CLCN3: variants seen among roughly 807,000 people sequenced by gnomAD.
The protein encoded by CLCN3 is Cl-/H+ antiporter 3.
In CLCN3, 16 loss-of-function variants were observed where a neutral mutation model predicts 83.4. The observed-to-expected ratio is 0.19, with a 90% CI of 0.13 to 0.29. The LOEUF (loss-of-function observed/expected upper bound fraction) is 0.29, where lower values mean the gene tolerates loss of function less well. Among genes scored for constraint, CLCN3 ranks in the 10% least tolerant of loss-of-function variants. The probability of loss-of-function intolerance (pLI) is 1.00; values close to 1 mark genes in which losing one functional copy is unlikely to be tolerated. For synonymous variants in CLCN3, 322 were observed against 346.2 expected (o/e 0.93, Z 0.78); for missense variants, 544 against 1,006.0 (o/e 0.54, Z 6.21).
intron 1 of CLCN3, among the ~76,000 whole-genome samples, chr4:169,627,946 T>A (rs1773275422): frequency 6.6e-6 from 1 of 152,164 alleles, no homozygotes; most frequent in South Asian, 2.1e-4. Flanking sequence ...TGGGCATAGA[T>A]AAAGACACAG....
intron 2 of CLCN3, among the ~76,000 whole-genome samples, chr4:169,640,329 C>A (rs1730374350): frequency 6.6e-6 from 1 of 152,172 alleles, no homozygotes; most frequent in Non-Finnish European, 1.5e-5. Flanking sequence ...TTTAGCTTGT[C>A]AGAGATAAAC....
chr4:169,681,248 A>T (rs1393850007), intron 3 of CLCN3, among the ~76,000 whole-genome samples: 1 of 152,194 alleles, frequency 6.6e-6, no homozygotes, highest in Non-Finnish European at 1.5e-5. Flanking sequence ...AAGTTTCGCC[A>T]TGTTGGCGAG....
At chr4:169,715,854 A>G (rs1469112821) in intron 12 of CLCN3, among the ~76,000 whole-genome samples, 1 of 152,172 alleles carries the variant, frequency 6.6e-6, no homozygotes, top group Non-Finnish European at 1.5e-5. Flanking sequence ...AAGTTTGGAA[A>G]GTATTGGATT....
At chr4:169,639,376 T>C (rs1046948210) in intron 2 of CLCN3, among the ~76,000 whole-genome samples, 4 of 152,210 alleles carry the variant, frequency 2.6e-5, no homozygotes, top group Middle Eastern at 3.4e-3. Flanking sequence ...GTTAGTGTAG[T>C]TGAAGGTATA....
chr4:169,690,691 T>A lies in CLCN3; in HGVS notation c.729+39T>A, dbSNP rs535866638. 1.9e-6 allele frequency: 3 copies of A among 1,573,790 alleles called. No homozygotes were observed. The African/African-American group carries it at 4.1e-5, about 21-fold the overall frequency. On this transcript the variant is annotated intron_variant, in intron 6 of 12. Coordinates refer to ENST00000513761, the MANE Select transcript of CLCN3 (RefSeq NM_001829.4). ...TATTTAGTGTCATTAAACATTATTA[T>A]GATGCTTATCTTTTTGACCTTAGTG...
chr4:169,666,492 T>C (rs1731250939), intron 2 of CLCN3, among the ~76,000 whole-genome samples: 1 of 152,180 alleles, frequency 6.6e-6, no homozygotes, highest in Non-Finnish European at 1.5e-5. Flanking sequence ...TCACCACTTC[T>C]GCAATTTTCT....
At position 169,722,238 on chromosome 4, in the gene CLCN3, A is replaced by T. The variant is rs1312360538; in HGVS notation, c.*2241A>T. On this transcript the variant is annotated 3_prime_UTR_variant, in exon 13 of 13. Transcript: ENST00000513761. ...TTAAGATCTGTAAGATCCTGAAGACATAAGATCATGAAGCCATATAAGAAT... is the reference window on the plus strand; with the variant it reads ...TTAAGATCTGTAAGATCCTGAAGACTTAAGATCATGAAGCCATATAAGAAT... 1.3e-5 allele frequency: 2 copies of T among 152,272 alleles called. No individual in the cohort carries two copies. The highest frequency in any genetic ancestry group is 3.8e-4 in the East Asian group (2 of 5,206). 9.4% of individuals were successfully genotyped at this position (152,272 alleles called of 1,614,324 possible).
intron 8 of CLCN3, among the ~76,000 whole-genome samples, chr4:169,696,096 T>G (rs1732550381): frequency 6.6e-6 from 1 of 151,984 alleles, no homozygotes; most frequent in Non-Finnish European, 1.5e-5. Flanking sequence ...TTTTGTTTTG[T>G]TTTTGTTTTT....
chr4:169,654,711 A>G (rs1189649468), intron 2 of CLCN3, among the ~76,000 whole-genome samples: 1 of 152,176 alleles, frequency 6.6e-6, no homozygotes, highest in Non-Finnish European at 1.5e-5. Flanking sequence ...GCGGTCCGGG[A>G]ATATGCATTA....
chr4:169,668,717 A>G (rs969695081), intron 2 of CLCN3, among the ~76,000 whole-genome samples: 1 of 148,966 alleles, frequency 6.7e-6, no homozygotes, highest in African/African-American at 2.5e-5. Flanking sequence ...TCAGCCCTCC[A>G]AAAAAGTTTT....
intron 2 of CLCN3, among the ~76,000 whole-genome samples, chr4:169,636,690 T>A (rs1773510634): frequency 1.3e-5 from 2 of 151,944 alleles, no homozygotes. Flanking sequence ...TGTGTAAACA[T>A]GCTTCAATTT....
chr4:169,665,603 G>GA lies in CLCN3; in HGVS notation c.161-14436dup, dbSNP rs60434639. On this transcript the variant is annotated intron_variant, in intron 2 of 12. Coordinates refer to ENST00000513761, the MANE Select transcript of CLCN3 (RefSeq NM_001829.4). Reference sequence around the variant, plus strand: ...TCTTATCAGTAGGGTCACAGAGAGAGAAAAAAAAAAACCATCTGGGGCTAG... The same window carrying GA: ...TCTTATCAGTAGGGTCACAGAGAGAGAAAAAAAAAAAACCATCTGGGGCTAG... Among the ~76,000 whole-genome samples the GA allele has an allele frequency of 4.5e-4, 66 of 147,456 alleles. 1 individual carries two copies. The highest frequency in any genetic ancestry group is 2.6e-3 in the Admixed American group (39 of 14,730).
chr4:169,703,585 A>T (rs1202247815), intron 9 of CLCN3, among the ~76,000 whole-genome samples: 1 of 152,118 alleles, frequency 6.6e-6, no homozygotes, highest in African/African-American at 2.4e-5. Context: ...GGTTACGTGG[A>T]TGAATTCTAT....
chr4:169,692,716 C>G (rs1245152709), intron 7 of CLCN3, among the ~76,000 whole-genome samples: 1 of 152,182 alleles, frequency 6.6e-6, no homozygotes, highest in Non-Finnish European at 1.5e-5. Flanking sequence ...GAGGCAGTGT[C>G]TGGTGCCAGT....
intron 2 of CLCN3, among the ~76,000 whole-genome samples, chr4:169,656,064 A>C (rs1181071483): frequency 6.6e-6 from 1 of 150,884 alleles, no homozygotes; most frequent in African/African-American, 2.4e-5. Context: ...GCTTTGCTGT[A>C]TCTTTTTTTT....
At chr4:169,692,755 A>G (rs2150251192) in intron 7 of CLCN3, among the ~76,000 whole-genome samples, 1 of 152,298 alleles carries the variant, frequency 6.6e-6, no homozygotes, top group East Asian at 1.9e-4. Context: ...GAAAAATGCT[A>G]TCCAGTGCTA....
At chr4:169,661,236 T>C (rs573326741) in intron 2 of CLCN3, among the ~76,000 whole-genome samples, 24 of 152,154 alleles carry the variant, frequency 1.6e-4, no homozygotes, top group Non-Finnish European at 3.1e-4. Context: ...CTGGTCGACA[T>C]TTGTTGTCCT....
chr4:169,699,617 C>G (rs1407762884), intron 9 of CLCN3, among the ~76,000 whole-genome samples: 1 of 152,154 alleles, frequency 6.6e-6, no homozygotes, highest in African/African-American at 2.4e-5. Flanking sequence ...GGCGCAGTGG[C>G]TCACACCTGT....
intron 12 of CLCN3, among the ~76,000 whole-genome samples, chr4:169,714,593 G>GT (rs1458708267): frequency 6.6e-6 from 1 of 152,046 alleles, no homozygotes; most frequent in East Asian, 1.9e-4. Flanking sequence ...ATTTTGCACT[G>GT]TAAGTGACTG....
Sources: gnomAD v4.1 joint callset for allele counts (sites outside exome capture counted in the v4.1 genomes callset) on GRCh38, gnomAD v4.1.1 for gene constraint, MANE v1.5 for transcripts, NCBI Gene and HGNC (gene_info 2026-07-23, HGNC 2026-07-21) for gene names.